Variants in SGCZ observed in about 807,000 individuals in gnomAD.
SGCZ encodes the protein zeta-sarcoglycan.
In SGCZ, 40 loss-of-function variants were observed where a neutral mutation model predicts 41.3. The observed-to-expected ratio is 0.97, with a 90% CI of 0.75 to 1.26. SGCZ has a LOEUF of 1.26. Ranked by LOEUF, SGCZ falls within the 50% of genes most tolerant of loss-of-function variation. The pLI is 0.00. For synonymous variants in SGCZ, 206 were observed against 137.5 expected (o/e 1.50, Z -3.49); for missense variants, 552 against 369.8 (o/e 1.49, Z -4.04).
At chr8:14,146,217 G>C (rs909847057) in intron 5 of SGCZ, among the ~76,000 whole-genome samples, 2 of 152,104 alleles carry the variant, frequency 1.3e-5, no homozygotes, top group African/African-American at 4.8e-5. Context: ...TAAACAAAAA[G>C]AGCTCCAACA....
chr8:14,762,355 T>C (rs2130360371), intron 1 of SGCZ, among the ~76,000 whole-genome samples: 1 of 143,026 alleles, frequency 7.0e-6, no homozygotes, highest in South Asian at 2.4e-4. Context: ...ATCCTTATAC[T>C]GCCACTTACT....
At chr8:14,708,831 G>GTA (rs1441387096) in intron 1 of SGCZ, among the ~76,000 whole-genome samples, 1 of 151,738 alleles carries the variant, frequency 6.6e-6, no homozygotes, top group East Asian at 1.9e-4. Context: ...GTGTGTGTGT[G>GTA]TGTGTGTGTA....
chr8:14,920,884 C>T (rs533788615), intron 1 of SGCZ, among the ~76,000 whole-genome samples: 1 of 152,244 alleles, frequency 6.6e-6, no homozygotes, highest in Non-Finnish European at 1.5e-5. Flanking sequence ...CTGGGCACCG[C>T]ATGCCTGAAC....
chr8:14,380,567 A>C (rs76012863), intron 2 of SGCZ, among the ~76,000 whole-genome samples: 10,003 of 152,212 alleles, frequency 0.066, 537 homozygotes, highest in African/African-American at 0.14. Context: ...GAATTGTGCA[A>C]TGTAGGCCAG....
chr8:14,180,833 T>C (rs1312885120), intron 4 of SGCZ, among the ~76,000 whole-genome samples: 1 of 151,866 alleles, frequency 6.6e-6, no homozygotes, highest in Non-Finnish European at 1.5e-5. Flanking sequence ...GCGATGGCTA[T>C]GTGAACCTGA....
chr8:14,763,201 G>A (rs1392044096), intron 1 of SGCZ, among the ~76,000 whole-genome samples: 1 of 152,062 alleles, frequency 6.6e-6, no homozygotes, highest in African/African-American at 2.4e-5. Flanking sequence ...AAGTTCTTAG[G>A]AAATCCCTGA....
At position 14,620,766 on chromosome 8, in the gene SGCZ, G is replaced by A. The variant is rs577125501; in HGVS notation, c.40-65840C>T. Among the ~76,000 whole-genome samples the A allele has an allele frequency of 1.3e-3, 193 of 152,200 alleles. 1 individual carries two copies. The highest frequency in any genetic ancestry group is 2.3e-3 in the South Asian group (11 of 4,818). On this transcript the variant is annotated intron_variant, in intron 1 of 7. Coordinates refer to ENST00000382080, the MANE Select transcript of SGCZ (RefSeq NM_139167.4). The stretch of plus-strand genomic sequence containing the variant: ...ACCATCTCACACCAGTTAGAACGGC[G>A]ATCATTAAAAAGTCAGGAAACAACA...
At chr8:14,207,859 C>A (rs1046496358) in intron 4 of SGCZ, among the ~76,000 whole-genome samples, 2 of 151,994 alleles carry the variant, frequency 1.3e-5, no homozygotes, top group African/African-American at 4.8e-5. Flanking sequence ...ACTTGATATG[C>A]GATTTGGGGT....
At chr8:14,649,809 C>T (rs1195125377) in intron 1 of SGCZ, among the ~76,000 whole-genome samples, 2 of 152,006 alleles carry the variant, frequency 1.3e-5, no homozygotes, top group African/African-American at 4.8e-5. Context: ...ATAAATTGTA[C>T]TTCCACCCAA....
chr8:14,576,509 T>C (rs561793206), intron 1 of SGCZ, among the ~76,000 whole-genome samples: 1 of 152,336 alleles, frequency 6.6e-6, no homozygotes, highest in African/African-American at 2.4e-5. Context: ...ATTTTCTATT[T>C]AGTTACACAA....
At chr8:14,937,521 G>C (rs905852893) in intron 1 of SGCZ, among the ~76,000 whole-genome samples, 1 of 151,990 alleles carries the variant, frequency 6.6e-6, no homozygotes, top group African/African-American at 2.4e-5. Context: ...ATTTTATCAA[G>C]TTATCTCTTT....
chr8:15,029,907 A>G (rs1281905116), intron 1 of SGCZ, among the ~76,000 whole-genome samples: 1 of 152,046 alleles, frequency 6.6e-6, no homozygotes, highest in Non-Finnish European at 1.5e-5. Flanking sequence ...TTTCAAAGCA[A>G]GCAAGTGATC....
intron 1 of SGCZ, among the ~76,000 whole-genome samples, chr8:15,102,948 T>C (rs746523425): frequency 3.3e-5 from 5 of 152,266 alleles, no homozygotes; most frequent in Admixed American, 2.6e-4. Context: ...TTCCTTACAC[T>C]AAGGAATTTA....
At chr8:15,066,677 G>C (rs76837210) in intron 1 of SGCZ, among the ~76,000 whole-genome samples, 5,912 of 152,020 alleles carry the variant, frequency 0.039, 147 homozygotes, top group Non-Finnish European at 0.057. Flanking sequence ...TTTTTACATT[G>C]ACTATATCGC....
chr8:14,540,132 C>A (rs17119767), intron 2 of SGCZ, among the ~76,000 whole-genome samples: 45,436 of 150,616 alleles, frequency 0.3, 7,516 homozygotes, highest in African/African-American at 0.44. Flanking sequence ...TGTATGTATA[C>A]TATGACTCTG....
intron 4 of SGCZ, among the ~76,000 whole-genome samples, chr8:14,180,020 ATATATTGCGATT>A (rs1430486208): frequency 1.3e-5 from 2 of 152,150 alleles, no homozygotes; most frequent in African/African-American, 4.8e-5. Context: ...TGCCAAAGGG[ATATATTGCGATT>A]TGTGGCAAAA....
chr8:14,235,233 C>A (rs1249360605), intron 4 of SGCZ, among the ~76,000 whole-genome samples: 1 of 152,204 alleles, frequency 6.6e-6, no homozygotes, highest in Non-Finnish European at 1.5e-5. Flanking sequence ...TCCTTTCACA[C>A]AGCCCTAGTC....
intron 1 of SGCZ, among the ~76,000 whole-genome samples, chr8:14,604,739 G>T (rs1399612196): frequency 6.6e-6 from 1 of 152,016 alleles, no homozygotes; most frequent in African/African-American, 2.4e-5. Context: ...AGAGAGAATT[G>T]TTACTTTTAC....
chr8:14,188,088 C>T (rs1294008436), intron 4 of SGCZ, among the ~76,000 whole-genome samples: 1 of 152,036 alleles, frequency 6.6e-6, no homozygotes, highest in Non-Finnish European at 1.5e-5. Context: ...CTATAGGCAG[C>T]AAACTATCTT....
Sources: gnomAD v4.1 joint callset for allele counts (sites outside exome capture counted in the v4.1 genomes callset) on GRCh38, gnomAD v4.1.1 for gene constraint, MANE v1.5 for transcripts, NCBI Gene and HGNC (gene_info 2026-07-23, HGNC 2026-07-21) for gene names.